HSD17B12: variants seen among roughly 807,000 people sequenced by gnomAD.
The protein encoded by HSD17B12 is very-long-chain 3-oxoacyl-CoA reductase.
In HSD17B12, 32 loss-of-function variants were observed where a neutral mutation model predicts 39.3. That is an observed-to-expected ratio of 0.81 (90% CI 0.61 to 1.09). The LOEUF is 1.09. Ranked by LOEUF, HSD17B12 falls within the 50% of genes least tolerant of loss-of-function variation. HSD17B12 has a pLI of 0.00. For synonymous variants in HSD17B12, 150 were observed against 146.7 expected (o/e 1.02, Z -0.16); for missense variants, 342 against 382.9 (o/e 0.89, Z 0.89).
chr11:43,836,543 C>T (rs1951372358), intron 7 of HSD17B12, among the ~76,000 whole-genome samples: 1 of 152,042 alleles, frequency 6.6e-6, no homozygotes, highest in Non-Finnish European at 1.5e-5. Context: ...ACATACTGAA[C>T]AATCTACCCA....
the HSD17B12 span, among the ~76,000 whole-genome samples, chr11:43,630,632 G>A: frequency 6.6e-6 from 1 of 152,168 alleles, no homozygotes; most frequent in African/African-American, 2.4e-5. Flanking sequence ...CCTCGACTTG[G>A]CTGTTTCTAC....
chr11:43,587,833 C>T, the HSD17B12 span, among the ~76,000 whole-genome samples: 3 of 152,178 alleles, frequency 2.0e-5, no homozygotes, highest in Non-Finnish European at 4.4e-5. Flanking sequence ...CGGATTTCCT[C>T]TGGTGCTTTT....
chr11:43,830,999 C>T lies in HSD17B12; in HGVS notation c.525C>T (p.Gly175=), dbSNP rs1590335890. 1.2e-6 allele frequency: 2 copies of T among 1,606,686 alleles called. No individual in the cohort carries two copies. The highest frequency in any genetic ancestry group is 1.7e-5 in the Admixed American group (1 of 59,044). ...VCKMTQLVLP[G]MVERSKGAIL... ...AGATGACACAATTGGTACTGCCTGGCATGGTGGAAAGGTGAGTCACAAGCT... is the reference window on the plus strand; with the variant it reads ...AGATGACACAATTGGTACTGCCTGGTATGGTGGAAAGGTGAGTCACAAGCT... Residue 175 remains glycine, a synonymous_variant, in exon 7 of 11, where the codon GGC becomes GGT. Transcript: ENST00000278353.
intron 1 of HSD17B12, among the ~76,000 whole-genome samples, chr11:43,738,836 T>C (rs900400706): frequency 7.9e-5 from 12 of 152,198 alleles, no homozygotes; most frequent in East Asian, 3.8e-4. Context: ...AAAGAGAGTT[T>C]TATTGGCAAT....
chr11:43,609,533 T>A, the HSD17B12 span, among the ~76,000 whole-genome samples: 50 of 152,092 alleles, frequency 3.3e-4, no homozygotes, highest in Admixed American at 1.8e-3. Context: ...GCCAGGCTAA[T>A]TTTTTAATTT....
chr11:43,758,770 A>G (rs1323950751), intron 3 of HSD17B12, among the ~76,000 whole-genome samples: 1 of 152,130 alleles, frequency 6.6e-6, no homozygotes, highest in East Asian at 1.9e-4. Context: ...TGTAGCCACC[A>G]TTTGGTCCCT....
chr11:43,772,904 C>T (rs543372745), intron 3 of HSD17B12, among the ~76,000 whole-genome samples: 14 of 152,128 alleles, frequency 9.2e-5, no homozygotes, highest in South Asian at 2.1e-4. Context: ...TGAGCCCAGG[C>T]GTTTGAGACC....
chr11:43,581,970 G>A, the HSD17B12 span, among the ~76,000 whole-genome samples: 1 of 152,298 alleles, frequency 6.6e-6, no homozygotes, highest in East Asian at 1.9e-4. This position sits in a 1 kb window ranked among gnomAD's most constrained non-coding sequence, Gnocchi z 4.9. Context: ...GGGGCTGGAG[G>A]CCCTTAGTAT....
At chr11:43,680,588 G>T, upstream of HSD17B12, 1 of 533,756 alleles carries the variant, frequency 1.9e-6, no homozygotes, top group Non-Finnish European at 3.4e-6. Flanking sequence ...CGCGGTGATG[G>T]GAGGAGTGTG....
chr11:43,765,611 A>G (rs1291009237), intron 3 of HSD17B12, among the ~76,000 whole-genome samples: 1 of 151,988 alleles, frequency 6.6e-6, no homozygotes, highest in African/African-American at 2.4e-5. Flanking sequence ...TTAGTTACGT[A>G]TATATTAAGT....
the HSD17B12 span, among the ~76,000 whole-genome samples, chr11:43,658,473 T>C: frequency 2.0e-4 from 30 of 152,306 alleles, no homozygotes; most frequent in East Asian, 5.8e-3. Flanking sequence ...GGCACTCTGA[T>C]TTTTAGAGTT....
At chr11:43,838,212 A>T (rs1480415714) in intron 7 of HSD17B12, 105 bp from the exon 8 acceptor site, 1 of 800,482 alleles carries the variant, frequency 1.2e-6, no homozygotes, top group Admixed American at 1.8e-5. Flanking sequence ...GTAGAAAAAC[A>T]GCTACATTAT....
chr11:43,587,492 C>T, the HSD17B12 span, among the ~76,000 whole-genome samples: 2 of 151,696 alleles, frequency 1.3e-5, no homozygotes, highest in East Asian at 3.9e-4. Context: ...TCTTTTTTTT[C>T]CCCCATTAGC....
chr11:43,795,920 T>A (rs1005053405), intron 3 of HSD17B12, among the ~76,000 whole-genome samples: 7 of 151,880 alleles, frequency 4.6e-5, no homozygotes, highest in African/African-American at 1.7e-4. Context: ...CTGGGGGGGA[T>A]GGTTGCATTT....
intron 3 of HSD17B12, among the ~76,000 whole-genome samples, chr11:43,764,940 C>G (rs1273658240): frequency 6.6e-6 from 1 of 152,018 alleles, no homozygotes; most frequent in Non-Finnish European, 1.5e-5. Context: ...CTACCAATTG[C>G]TTTTTGTTTG....
At chr11:43,745,175 C>G (rs987626934) in intron 1 of HSD17B12, among the ~76,000 whole-genome samples, 1 of 152,236 alleles carries the variant, frequency 6.6e-6, no homozygotes, top group Non-Finnish European at 1.5e-5. Context: ...TTCAGAATCT[C>G]TAGACCTGGC....
the HSD17B12 span, chr11:43,559,744 GC>G: frequency 1.9e-5 from 3 of 156,002 alleles, no homozygotes; most frequent in East Asian, 5.8e-4. Flanking sequence ...AGTGTCAGTT[GC>G]CCCTTCACGC....
intron 3 of HSD17B12, among the ~76,000 whole-genome samples, chr11:43,767,092 G>A (rs569791363): frequency 1.2e-4 from 18 of 152,040 alleles, no homozygotes; most frequent in Non-Finnish European, 2.1e-4. Context: ...GTACTCCACC[G>A]TGGCCAGACA....
At chr11:43,774,786 G>A (rs973169129) in intron 3 of HSD17B12, among the ~76,000 whole-genome samples, 1 of 152,170 alleles carries the variant, frequency 6.6e-6, no homozygotes, top group Non-Finnish European at 1.5e-5. Flanking sequence ...GGAATTCTAA[G>A]ATGTTCCCCA....
Sources: allele counts gnomAD v4.1 joint callset (sites outside exome capture counted in the v4.1 genomes callset), GRCh38; gene constraint gnomAD v4.1.1; non-coding constraint Gnocchi (gnomAD v3.1); transcripts MANE v1.5; gene names NCBI Gene and HGNC (gene_info 2026-07-23, HGNC 2026-07-21).